URGCP: variants seen among roughly 807,000 people sequenced by gnomAD.
The protein encoded by URGCP is upregulator of cell proliferation, also known as up-regulator of cell proliferation.
A neutral mutation model predicts 24.6 loss-of-function variants in URGCP; 13 were observed. That is an observed-to-expected ratio of 0.53 (90% CI 0.34 to 0.84). The LOEUF (loss-of-function observed/expected upper bound fraction) is 0.84. Ranked by LOEUF, URGCP falls within the 40% of genes least tolerant of loss-of-function variation. URGCP has a pLI of 0.01. For missense variants in URGCP, 899 were observed against 1,194.3 expected, an observed-to-expected ratio of 0.75 and a Z score of 3.64; for synonymous variants, 444 against 487.2, an observed-to-expected ratio of 0.91 and a Z score of 1.17.
upstream of URGCP, chr7:43,926,705 G>A (rs753930072): frequency 3.0e-5 from 26 of 867,802 alleles, no homozygotes; most frequent in Non-Finnish European, 4.1e-5. Flanking sequence ...CTCCCGCGCA[G>A]CCTGAAAAGC....
chr7:43,918,765 C>T (rs993856069), intron 1 of URGCP: 5 of 861,422 alleles, frequency 5.8e-6, no homozygotes, highest in Non-Finnish European at 9.9e-6. Flanking sequence ...GTTCTGGAAA[C>T]AGCTGTGCAC....
intron 1 of URGCP, among the ~76,000 whole-genome samples, chr7:43,889,840 T>G (rs150278737): frequency 2.0e-5 from 3 of 152,306 alleles, no homozygotes; most frequent in Non-Finnish European, 4.4e-5. Flanking sequence ...TATTAACTTA[T>G]AATCATGACC....
chr7:43,924,282 C>A (rs1306832759), intron 1 of URGCP, among the ~76,000 whole-genome samples: 1 of 152,110 alleles, frequency 6.6e-6, no homozygotes, highest in Non-Finnish European at 1.5e-5. Flanking sequence ...CACTAAACTA[C>A]CAACAGGGAA....
At chr7:43,907,851 C>T (rs1484278390), upstream of URGCP, among the ~76,000 whole-genome samples, 1 of 152,196 alleles carries the variant, frequency 6.6e-6, no homozygotes, top group Non-Finnish European at 1.5e-5. Context: ...TGTTTCTGAG[C>T]CTCCTTGTCC....
intron 5 of URGCP, among the ~76,000 whole-genome samples, chr7:43,880,802 G>A (rs1030168516): frequency 3.6e-4 from 55 of 152,156 alleles, no homozygotes; most frequent in African/African-American, 9.2e-4. Context: ...TTCCTTTCTC[G>A]AGAGAGGAAG....
At chr7:43,920,060 G>C (rs1000984165) in intron 1 of URGCP, 9 of 1,301,128 alleles carry the variant, frequency 6.9e-6, no homozygotes, top group Middle Eastern at 1.9e-4. Context: ...GGAGCAGTGA[G>C]TCCCCTAGGA....
intron 2 of URGCP, 125 bp downstream of exon 2, chr7:43,887,665 G>A: frequency 1.3e-6 from 2 of 1,487,120 alleles, no homozygotes; most frequent in Non-Finnish European, 1.8e-6. Flanking sequence ...GCTTTTAAAA[G>A]TGCCCTCAAT....
At chr7:43,921,098 G>A (rs572741876) in intron 1 of URGCP, among the ~76,000 whole-genome samples, 116 of 152,260 alleles carry the variant, frequency 7.6e-4, no homozygotes, top group African/African-American at 2.4e-3. Context: ...AAACCGAGGC[G>A]GGCGGATCAC....
At position 43,877,338 on chromosome 7, in the gene URGCP, G is replaced by A; in HGVS notation, c.2125C>T (p.Leu709Phe). 6.2e-7 allele frequency: 1 copy of A among 1,612,774 alleles called. No homozygotes were observed. Among genetic ancestry groups the A allele is most frequent in the Non-Finnish European group, 8.5e-7 (1 of 1,180,018 alleles). ...GVPGTGKSTL[L>F]NTMFGLRFAT... ...AACCGCAGCCCAAACATGGTGTTGAGGAGTGTGGACTTGCCCGTGCCTGGC... is the reference window on the plus strand; with the variant it reads ...AACCGCAGCCCAAACATGGTGTTGAAGAGTGTGGACTTGCCCGTGCCTGGC... The change falls in exon 6 of 6, where the codon CTC becomes TTC. Residue 709 changes from leucine (L) to phenylalanine (F), a missense_variant. Coordinates refer to ENST00000453200, the MANE Select transcript of URGCP (RefSeq NM_001077663.3).
In URGCP at chr7:43,877,363, C is replaced by A; in HGVS notation, c.2100G>T (p.Val700=). 1 of 1,612,732 alleles carries A rather than the reference C, an allele frequency of 6.2e-7. No homozygotes were observed. The highest frequency in any genetic ancestry group is 1.1e-5 in the South Asian group (1 of 91,082). ...GGAGTGTGGACTTGCCCGTGCCTGG[C>A]ACCCCGACGGTTGACAGAACCACCA... ...SRLVVLSTVG[V]PGTGKSTLLN... Residue 700 remains valine, a synonymous_variant, in exon 6 of 6, where the codon GTG becomes GTT. Coordinates refer to ENST00000453200, the MANE Select transcript of URGCP (RefSeq NM_001077663.3).
rs373292843 is a variant in URGCP at position 43,877,939 on chromosome 7, C to T, written c.1524G>A (p.Glu508=). The change falls in exon 6 of 6, where the codon GAG becomes GAA. Residue 508 remains glutamate (E), a synonymous_variant. Coordinates refer to ENST00000453200, the MANE Select transcript of URGCP (RefSeq NM_001077663.3). ...GDPWRKAAQV[E]KEFCQLQWAV... The stretch of plus-strand genomic sequence containing the variant: ...CCCACTGGAGCTGGCAGAACTCCTT[C>T]TCCACTTGGGCTGCCTTTCTCCAGG... The T allele has an allele frequency of 1.2e-6, 2 of 1,614,172 alleles. No homozygotes were observed. Among genetic ancestry groups the T allele is most frequent in the Non-Finnish European group, 1.7e-6 (2 of 1,180,038 alleles).
intron 1 of URGCP, among the ~76,000 whole-genome samples, chr7:43,900,129 A>G (rs548638824): frequency 6.6e-6 from 1 of 151,866 alleles, no homozygotes; most frequent in South Asian, 2.1e-4. Flanking sequence ...TGGGAGACTC[A>G]GCAAAACTCT....
Position 43,906,546 on chromosome 7 carries a change from G to A in URGCP, c.14+16C>T. 1 of 1,234,716 alleles carries A rather than the reference G, an allele frequency of 8.1e-7. No individual in the cohort carries two copies. Among genetic ancestry groups the A allele is most frequent in the East Asian group, 3.8e-5 (1 of 26,152 alleles). The allele number at this position is 1,234,716 out of a possible 1,614,324, so 76.5% of individuals were successfully genotyped here. ...CGGCAGCCGCGGGGGCGCAGGGCCTGCGAGGCGGCACTCACCCGGGCGACG... is the reference window on the plus strand; with the variant it reads ...CGGCAGCCGCGGGGGCGCAGGGCCTACGAGGCGGCACTCACCCGGGCGACG... On this transcript the variant is annotated intron_variant, in intron 1 of 5. Transcript: ENST00000453200.
chr7:43,924,769 A>G (rs553125255), intron 1 of URGCP, among the ~76,000 whole-genome samples: 1 of 152,174 alleles, frequency 6.6e-6, no homozygotes, highest in South Asian at 2.1e-4. Context: ...GCTGGAGGAT[A>G]CTTTGAGTTT....
At chr7:43,901,986 C>T (rs1279115193) in intron 1 of URGCP, among the ~76,000 whole-genome samples, 6 of 152,038 alleles carry the variant, frequency 3.9e-5, no homozygotes, top group African/African-American at 1.4e-4. Flanking sequence ...TGGATGAGGT[C>T]TCCAGCTGAA....
intron 1 of URGCP, among the ~76,000 whole-genome samples, chr7:43,893,371 A>G (rs187082870): frequency 6.6e-6 from 1 of 151,904 alleles, no homozygotes; most frequent in East Asian, 1.9e-4. Context: ...AAAATGAAAA[A>G]ATTAGCTGGG....
rs1387110754 is a variant in URGCP, at chr7:43,878,575, C to T, written c.888G>A (p.Arg296=). 6.2e-7 allele frequency: 1 copy of T among 1,614,056 alleles called. No individual in the cohort carries two copies. The highest frequency in any genetic ancestry group is 1.3e-5 in the African/African-American group (1 of 74,946). ...GGGCATTGGTGCCCAAGTTGAGGTC[C>T]CGATGCCAGAAGCAGTCCCACTGCC... ...GHRQWDCFWH[R]DLNLGTNARE... The change falls in exon 6 of 6, where the codon CGG becomes CGA. Residue 296 remains arginine (R), a synonymous_variant. Coordinates refer to ENST00000453200, the MANE Select transcript of URGCP (RefSeq NM_001077663.3). This position sits in a 1 kb window ranked among gnomAD's most constrained non-coding sequence, Gnocchi z 5.6.
chr7:43,906,522 G>A (rs902512030), intron 1 of URGCP, 40 bp downstream of exon 1: 4 of 1,201,010 alleles, frequency 3.3e-6, no homozygotes, highest in Non-Finnish European at 4.2e-6. Context: ...CGTTCCTGCC[G>A]GCAGCCGCGG....
intron 1 of URGCP, among the ~76,000 whole-genome samples, chr7:43,891,484 C>T (rs2095870578): frequency 6.6e-6 from 1 of 152,148 alleles, no homozygotes; most frequent in South Asian, 2.1e-4. Flanking sequence ...CATAATCCTC[C>T]TGCGTAAATA....
Sources: gnomAD v4.1 joint callset for allele counts (sites outside exome capture counted in the v4.1 genomes callset) on GRCh38, gnomAD v4.1.1 for gene constraint, Gnocchi (gnomAD v3.1) non-coding constraint, MANE v1.5 for transcripts, NCBI Gene and HGNC (gene_info 2026-07-23, HGNC 2026-07-21) for gene names.